Variants in RIMS4 observed in about 807,000 individuals in gnomAD.
RIMS4 encodes the protein regulating synaptic membrane exocytosis 4, also known as regulating synaptic membrane exocytosis protein 4.
A neutral mutation model predicts 29.0 loss-of-function variants in RIMS4; 9 were observed. The ratio of observed to expected loss-of-function variants is 0.31; its 90% CI spans 0.19 to 0.54. The LOEUF is 0.54. Among genes scored for constraint, RIMS4 ranks in the 20% least tolerant of loss-of-function variants. RIMS4 has a pLI of 0.94. For synonymous variants in RIMS4, 130 were observed against 152.9 expected, an observed-to-expected ratio of 0.85 and a Z score of 1.10; for missense variants, 193 against 365.7, an observed-to-expected ratio of 0.53 and a Z score of 3.85.
chr20:44,769,688 C>T (rs749847204), intron 2 of RIMS4, among the ~76,000 whole-genome samples: 3 of 152,200 alleles, frequency 2.0e-5, no homozygotes, highest in Admixed American at 6.5e-5. Flanking sequence ...GGGAAAGTCT[C>T]GCTAGGAGGT....
At chr20:44,782,741 T>A (rs906860721) in intron 1 of RIMS4, among the ~76,000 whole-genome samples, 1 of 152,160 alleles carries the variant, frequency 6.6e-6, no homozygotes, top group African/African-American at 2.4e-5. Flanking sequence ...TCTATGTGTA[T>A]TTCAAAACTT....
chr20:44,800,330 G>T (rs1484045652), intron 1 of RIMS4, among the ~76,000 whole-genome samples: 1 of 152,056 alleles, frequency 6.6e-6, no homozygotes, highest in Non-Finnish European at 1.5e-5. Flanking sequence ...GTCCTCTGGT[G>T]CTGTTCGGCT....
Position 44,757,168 on chromosome 20 carries a change from C to T in RIMS4, c.452-131G>A, listed in dbSNP as rs115897660. ...CCCCATGGGGTCTGGGGAGGACGCACCAGGACACATGGGGGGTGGGCATTT... is the reference window on the plus strand; with the variant it reads ...CCCCATGGGGTCTGGGGAGGACGCATCAGGACACATGGGGGGTGGGCATTT... On this transcript the variant is annotated intron_variant, in intron 4 of 5. Transcript: ENST00000372851. 1,637 of 1,004,480 alleles carry T rather than the reference C, an allele frequency of 1.6e-3. 19 individuals carry two copies. The African/African-American group carries it at 0.024, about 15-fold the overall frequency. The allele number at this position is 1,004,480 out of a possible 1,614,324, so 62.2% of individuals were successfully genotyped here.
At chr20:44,799,791 ACCT>A (rs1247240143) in intron 1 of RIMS4, among the ~76,000 whole-genome samples, 2 of 151,940 alleles carry the variant, frequency 1.3e-5, no homozygotes, top group African/African-American at 4.8e-5. Flanking sequence ...ATTGCCACAG[ACCT>A]CCTGTGAGGC....
intron 2 of RIMS4, among the ~76,000 whole-genome samples, chr20:44,766,780 C>G (rs566481416): frequency 2.6e-5 from 4 of 152,136 alleles, no homozygotes; most frequent in Admixed American, 2.6e-4. Flanking sequence ...GCCATCCCCC[C>G]ACCCCTTATT....
At chr20:44,810,062 G>A (rs1482473853) in intron 1 of RIMS4, 113 bp downstream of exon 1, 1 of 464,732 alleles carries the variant, frequency 2.2e-6, no homozygotes, top group Non-Finnish European at 4.1e-6. Context: ...GACCCTGGGG[G>A]CGCCTTCCCA....
intron 1 of RIMS4, among the ~76,000 whole-genome samples, chr20:44,809,739 A>T (rs1300755652): frequency 6.6e-6 from 1 of 152,050 alleles, no homozygotes; most frequent in Non-Finnish European, 1.5e-5. Context: ...TGTGGCCAAG[A>T]CAAAGATGGA....
At chr20:44,767,094 G>A (rs2145450531) in intron 2 of RIMS4, among the ~76,000 whole-genome samples, 1 of 152,306 alleles carries the variant, frequency 6.6e-6, no homozygotes, top group East Asian at 1.9e-4. Flanking sequence ...TTTGTTGGGT[G>A]CATCACCTCT....
At chr20:44,781,389 TAG>T (rs1248084528) in intron 1 of RIMS4, among the ~76,000 whole-genome samples, 5 of 152,234 alleles carry the variant, frequency 3.3e-5, no homozygotes, top group African/African-American at 9.6e-5. Flanking sequence ...GCACTGGAGT[TAG>T]AGGCACGGTC....
At chr20:44,809,765 C>T (rs2066315175) in intron 1 of RIMS4, among the ~76,000 whole-genome samples, 1 of 152,084 alleles carries the variant, frequency 6.6e-6, no homozygotes, top group Non-Finnish European at 1.5e-5. Context: ...AAGGTCTGCG[C>T]GCCACCTCCA....
intron 1 of RIMS4, among the ~76,000 whole-genome samples, chr20:44,805,284 C>T (rs568291322): frequency 8.9e-4 from 136 of 152,110 alleles, no homozygotes; most frequent in African/African-American, 3.0e-3. Context: ...CCACCTTGGG[C>T]GACAGAGGGA....
At chr20:44,787,205 T>C (rs1294135232) in intron 1 of RIMS4, among the ~76,000 whole-genome samples, 1 of 151,624 alleles carries the variant, frequency 6.6e-6, no homozygotes, top group African/African-American at 2.4e-5. Context: ...GGGGGAGTGG[T>C]GTGAGATGAG....
intron 1 of RIMS4, among the ~76,000 whole-genome samples, chr20:44,775,931 G>A (rs1372441324): frequency 6.6e-6 from 1 of 152,196 alleles, no homozygotes; most frequent in Non-Finnish European, 1.5e-5. Context: ...GCAAATGAAA[G>A]TAAATACAAA....
At chr20:44,775,277 T>C (rs60253470) in intron 1 of RIMS4, among the ~76,000 whole-genome samples, 8,541 of 152,044 alleles carry the variant, frequency 0.056, 777 homozygotes, top group African/African-American at 0.19. Flanking sequence ...GTGATCCTCC[T>C]CCAAGACCCC....
In RIMS4 at chr20:44,810,496, G is replaced by GGCGGCA. The variant is rs1216630169; in HGVS notation, c.-226_-225insTGCCGC. On this transcript the variant is annotated 5_prime_UTR_variant, in exon 1 of 6. Transcript: ENST00000372851. ...GCCCGAGGCGCGCTGTGCTGCTGGC[G>GGCGGCA]GCGGCGGCGGCGGCGGCGGTGGCGG... Among the ~76,000 whole-genome samples, 2 of 125,192 alleles carry GGCGGCA rather than the reference G, an allele frequency of 1.6e-5. No individual in the cohort carries two copies. Among genetic ancestry groups the GGCGGCA allele is most frequent in the Non-Finnish European group, 3.2e-5 (2 of 63,458 alleles). 82.1% of individuals were successfully genotyped at this position (125,192 alleles called of 152,430 possible).
intron 2 of RIMS4, among the ~76,000 whole-genome samples, chr20:44,765,659 T>C (rs558576631): frequency 2.0e-5 from 3 of 152,096 alleles, no homozygotes; most frequent in African/African-American, 7.2e-5. Context: ...GAGCCTTTGG[T>C]GATTAGGAAA....
intron 2 of RIMS4, among the ~76,000 whole-genome samples, chr20:44,766,659 G>A (rs147784134): frequency 7.9e-5 from 12 of 152,308 alleles, no homozygotes; most frequent in African/African-American, 2.9e-4. Flanking sequence ...GATTGGGAAT[G>A]GATTATGGAT....
rs1321889222 is a variant in RIMS4 at position 44,802,291 on chromosome 20, G to A, written c.97+7884C>T. 3.9e-5 allele frequency among the ~76,000 whole-genome samples: 6 copies of A among 152,280 alleles called. No individual in the cohort carries two copies. In the East Asian group the frequency reaches 1.2e-3, roughly 29 times the overall value. ...CAGCTCTGGGTTAGGTGTGTTGTGT[G>A]CATGATGTCATTTACTCCTTACTAT... is the stretch of plus-strand genomic sequence containing the variant. On this transcript the variant is annotated intron_variant, in intron 1 of 5. Transcript: ENST00000372851.
intron 4 of RIMS4, among the ~76,000 whole-genome samples, 197 bp from the exon 5 acceptor site, chr20:44,757,234 C>T (rs1018271172): frequency 6.6e-6 from 1 of 151,974 alleles, no homozygotes; most frequent in Non-Finnish European, 1.5e-5. Flanking sequence ...CAGCCTGCCC[C>T]ACCTCCTCTG....
Sources: allele counts gnomAD v4.1 joint callset (sites outside exome capture counted in the v4.1 genomes callset), GRCh38; gene constraint gnomAD v4.1.1; transcripts MANE v1.5; gene names NCBI Gene and HGNC (gene_info 2026-07-23, HGNC 2026-07-21).